Variants in DAPK2 observed in about 807,000 individuals in gnomAD.
The protein encoded by DAPK2 is death associated protein kinase 2.
In DAPK2, 35 loss-of-function variants were observed where a neutral mutation model predicts 44.1. That is an observed-to-expected ratio of 0.79 (90% CI 0.61 to 1.05). DAPK2 has a LOEUF of 1.05. DAPK2 is among the 50% of genes least tolerant of loss of function. The pLI is 0.00. For synonymous variants in DAPK2, 174 were observed against 182.6 expected (o/e 0.95, Z 0.38); for missense variants, 453 against 483.2 (o/e 0.94, Z 0.59).
At chr15:64,030,576 T>C (rs1316350489) in intron 1 of DAPK2, among the ~76,000 whole-genome samples, 2 of 152,128 alleles carry the variant, frequency 1.3e-5, no homozygotes, top group African/African-American at 4.8e-5. Flanking sequence ...ATATCTGCCC[T>C]GTCTCCCTTC....
chr15:63,911,835 A>G, intron 10 of DAPK2, 73 bp downstream of exon 11: 8 of 1,460,726 alleles, frequency 5.5e-6, no homozygotes, highest in Non-Finnish European at 7.6e-6. Flanking sequence ...GTGAGGGGAA[A>G]GGGAACTCAC....
chr15:63,970,153 G>A (rs2078171537), intron 3 of DAPK2, among the ~76,000 whole-genome samples: 1 of 152,210 alleles, frequency 6.6e-6, no homozygotes, highest in Non-Finnish European at 1.5e-5. Flanking sequence ...TCTGAAACAA[G>A]TACATGCTTA....
At chr15:63,938,708 G>T (rs550296532) in intron 4 of DAPK2, among the ~76,000 whole-genome samples, 54 of 152,326 alleles carry the variant, frequency 3.5e-4, no homozygotes, top group African/African-American at 1.3e-3. Context: ...CTGGGCCAAG[G>T]GTGACAGAAA....
At chr15:63,978,115 GAAAT>G (rs2078404796) in intron 2 of DAPK2, among the ~76,000 whole-genome samples, 1 of 151,974 alleles carries the variant, frequency 6.6e-6, no homozygotes, top group Non-Finnish European at 1.5e-5. Flanking sequence ...AAGAAAGAAA[GAAAT>G]AAAACATTAA....
At chr15:63,979,125 G>C (rs576774214) in intron 2 of DAPK2, among the ~76,000 whole-genome samples, 1 of 152,280 alleles carries the variant, frequency 6.6e-6, no homozygotes, top group African/African-American at 2.4e-5. Flanking sequence ...AGCAGTCAGG[G>C]GCCTGTGATG....
chr15:64,036,309 G>GTGTGTGTGTATA (rs1255068392), intron 1 of DAPK2, among the ~76,000 whole-genome samples: 6 of 60,512 alleles, frequency 9.9e-5, no homozygotes, highest in Admixed American at 2.6e-4. Context: ...GTGTGTGTGT[G>GTGTGTGTGTATA]TATATATATG....
chr15:64,030,904 C>T (rs2079992725), intron 1 of DAPK2, among the ~76,000 whole-genome samples: 1 of 151,466 alleles, frequency 6.6e-6, no homozygotes, highest in African/African-American at 2.4e-5. Flanking sequence ...GAGCTTGAAG[C>T]TGCAGTGAGC....
At chr15:64,029,391 T>G (rs1303085996) in intron 1 of DAPK2, among the ~76,000 whole-genome samples, 1 of 151,928 alleles carries the variant, frequency 6.6e-6, no homozygotes, top group East Asian at 1.9e-4. Context: ...CCCTTCACCT[T>G]CTCCACATGC....
chr15:63,975,176 C>T (rs2078310193), intron 2 of DAPK2, among the ~76,000 whole-genome samples: 1 of 152,070 alleles, frequency 6.6e-6, no homozygotes, highest in Non-Finnish European at 1.5e-5. Context: ...AAGCCATGGG[C>T]CCAAAGGGAA....
intron 3 of DAPK2, among the ~76,000 whole-genome samples, chr15:63,941,036 T>A (rs2077293921): frequency 1.3e-5 from 2 of 152,346 alleles, no homozygotes; most frequent in South Asian, 4.1e-4. Context: ...ATATAGTATG[T>A]GAATTATATC....
upstream of DAPK2, among the ~76,000 whole-genome samples, chr15:64,041,540 T>G (rs972485244): frequency 1.3e-5 from 2 of 152,174 alleles, no homozygotes; most frequent in Non-Finnish European, 2.9e-5. Context: ...ATCACAAGAA[T>G]AAAACCAGCT....
intron 1 of DAPK2, among the ~76,000 whole-genome samples, 163 bp from the exon 3 acceptor site, chr15:63,983,917 A>G (rs922256590): frequency 6.6e-6 from 1 of 152,184 alleles, no homozygotes; most frequent in Non-Finnish European, 1.5e-5. Context: ...TGTGGATGAG[A>G]TGGGGCAGGG....
At chr15:63,958,644 GT>G (rs2077796339) in intron 3 of DAPK2, among the ~76,000 whole-genome samples, 1 of 152,170 alleles carries the variant, frequency 6.6e-6, no homozygotes, top group Non-Finnish European at 1.5e-5. Context: ...TGTCAGGTTT[GT>G]CAAAGATCAG....
At chr15:64,042,906 G>A (rs2080381550), upstream of DAPK2, among the ~76,000 whole-genome samples, 1 of 152,208 alleles carries the variant, frequency 6.6e-6, no homozygotes, top group East Asian at 1.9e-4. The surrounding 1 kb of genome is among the most constrained non-coding windows in gnomAD (Gnocchi z 4.7). Flanking sequence ...CCCAAAAACA[G>A]ATGACAATTC....
intron 8 of DAPK2, chr15:63,922,483 A>C: frequency 1.4e-4 from 174 of 1,231,432 alleles, no homozygotes; most frequent in East Asian, 6.8e-4. Context: ...CCTGAGGGGT[A>C]CTCACTCTCT....
intron 1 of DAPK2, among the ~76,000 whole-genome samples, chr15:64,015,748 A>G (rs1477902647): frequency 2.0e-5 from 3 of 152,184 alleles, no homozygotes; most frequent in Non-Finnish European, 4.4e-5. Flanking sequence ...AGAAAGCAAC[A>G]TGAAGATGGA....
At chr15:64,022,645 G>A (rs910651438) in intron 1 of DAPK2, among the ~76,000 whole-genome samples, 1 of 152,066 alleles carries the variant, frequency 6.6e-6, no homozygotes. Flanking sequence ...GTGAGATGCC[G>A]TCTCTACAAA....
At chr15:63,932,185 G>T (rs980314267) in intron 4 of DAPK2, among the ~76,000 whole-genome samples, 1 of 110,650 alleles carries the variant, frequency 9.0e-6, no homozygotes, top group African/African-American at 2.8e-5. Context: ...AAAAAAAAAG[G>T]CTGGGCACAG....
intron 3 of DAPK2, among the ~76,000 whole-genome samples, chr15:63,970,340 T>C (rs982466186): frequency 2.0e-5 from 3 of 152,202 alleles, no homozygotes; most frequent in Admixed American, 6.5e-5. Context: ...TTTGTGACCA[T>C]GTATTCTGCT....
Sources: gnomAD v4.1 joint callset for allele counts (sites outside exome capture counted in the v4.1 genomes callset) on GRCh38, gnomAD v4.1.1 for gene constraint, Gnocchi (gnomAD v3.1) non-coding constraint, MANE v1.5 for transcripts, NCBI Gene and HGNC (gene_info 2026-07-23, HGNC 2026-07-21) for gene names.